TLR6: variants seen among roughly 807,000 people sequenced by gnomAD.
TLR6 encodes toll like receptor 6.
Under a neutral mutation model 16.1 loss-of-function variants are expected in TLR6, and 9 were observed. The ratio of observed to expected loss-of-function variants is 0.56; its 90% CI spans 0.34 to 0.98. The LOEUF (loss-of-function observed/expected upper bound fraction) is 0.98, where lower values mean the gene tolerates loss of function less well. TLR6 is among the 50% of genes least tolerant of loss of function. The pLI is 0.02. For synonymous variants in TLR6, 340 were observed against 338.6 expected, an observed-to-expected ratio of 1.00 and a Z score of -0.04; for missense variants, 786 against 921.0, an observed-to-expected ratio of 0.85 and a Z score of 1.90.
At chr4:38,833,690 A>G (rs1711749143) in intron 1 of TLR6, among the ~76,000 whole-genome samples, 1 of 152,242 alleles carries the variant, frequency 6.6e-6, no homozygotes, top group African/African-American at 2.4e-5. Flanking sequence ...TTCTCTAATA[A>G]CAGATCTCAA....
chr4:38,852,643 C>T (rs1313445441), intron 1 of TLR6, among the ~76,000 whole-genome samples: 5 of 151,998 alleles, frequency 3.3e-5, no homozygotes, highest in African/African-American at 9.7e-5. Flanking sequence ...CTCATCATCA[C>T]TGGCCATCAG....
At chr4:38,848,027 A>G (rs1270536139) in intron 1 of TLR6, among the ~76,000 whole-genome samples, 1 of 151,988 alleles carries the variant, frequency 6.6e-6, no homozygotes, top group African/African-American at 2.4e-5. Flanking sequence ...ACTGGGAGGC[A>G]CCCCCCAGTA....
exon 2 of TLR6, chr4:38,827,310 T>C: frequency 6.2e-7 from 1 of 1,614,060 alleles, no homozygotes; most frequent in Non-Finnish European, 8.5e-7. Context: ...TGAAAGAGAT[T>C]GTGATGGGCA....
chr4:38,854,616 A>C (rs1029438023), intron 1 of TLR6, among the ~76,000 whole-genome samples: 2 of 152,198 alleles, frequency 1.3e-5, no homozygotes, highest in Non-Finnish European at 2.9e-5. Context: ...ACCCTCATTT[A>C]CTACTTAGGC....
rs539536599 is a variant in TLR6 at position 38,846,975 on chromosome 4, C to A, written c.-65+9786G>T. On this transcript the variant is annotated intron_variant, in intron 1 of 1. Coordinates refer to ENST00000436693, the Ensembl canonical transcript of TLR6. ...AGGGATAGAGCTCAGAATAAAGAAA[C>A]CCCAATCAATCTAGCTGTGTCCTGA... Among the ~76,000 whole-genome samples the A allele has an allele frequency of 5.9e-5, 9 of 152,104 alleles. No homozygotes were observed. The South Asian group carries it at 1.5e-3, about 25-fold the overall frequency.
chr4:38,858,871 GAA>G (rs1383819185), upstream of TLR6, among the ~76,000 whole-genome samples: 5 of 135,714 alleles, frequency 3.7e-5, no homozygotes, highest in South Asian at 1.2e-3. Flanking sequence ...AAGAAAGAAA[GAA>G]AGAAAGAAAG....
chr4:38,860,589 T>C (rs1177300713), upstream of TLR6, among the ~76,000 whole-genome samples: 2 of 149,896 alleles, frequency 1.3e-5, no homozygotes. Context: ...CTGCAACTTG[T>C]ATAATCACAA....
chr4:38,828,470 A>T (rs1727662096), exon 2 of TLR6: 1 of 1,614,180 alleles, frequency 6.2e-7, no homozygotes, highest in East Asian at 2.2e-5. Flanking sequence ...AATGGTTAAC[A>T]TCATAATGTT....
At chr4:38,858,885 AAG>A (rs373652925), upstream of TLR6, among the ~76,000 whole-genome samples, 5 of 67,440 alleles carry the variant, frequency 7.4e-5, no homozygotes, top group South Asian at 1.4e-3. Flanking sequence ...GAAAGAAAGA[AAG>A]AGAGAAAGAA....
At chr4:38,835,637 A>C (rs1048759380) in intron 1 of TLR6, among the ~76,000 whole-genome samples, 1 of 152,254 alleles carries the variant, frequency 6.6e-6, no homozygotes. Context: ...AGATATTTAC[A>C]GAACATTTCA....
At chr4:38,828,560 T>C in exon 2 of TLR6, 3 of 1,613,948 alleles carry the variant, frequency 1.9e-6, no homozygotes, top group Non-Finnish European at 2.5e-6. Flanking sequence ...TGTCAATGCT[T>C]TCAATGTCGT....
At chr4:38,828,542 T>C (rs1727666096) in exon 2 of TLR6, 1 of 1,614,024 alleles carries the variant, frequency 6.2e-7, no homozygotes, top group Non-Finnish European at 8.5e-7. Context: ...GTTCGTGATA[T>C]GTTCTATTGT....
chr4:38,852,468 T>C (rs147030252), intron 1 of TLR6, among the ~76,000 whole-genome samples: 4,743 of 152,240 alleles, frequency 0.031, 218 homozygotes, highest in African/African-American at 0.087. Context: ...AGAAAATTTT[T>C]GCAATCTACT....
intron 1 of TLR6, among the ~76,000 whole-genome samples, chr4:38,832,101 A>G (rs1470015286): frequency 1.3e-5 from 2 of 152,242 alleles, no homozygotes; most frequent in Non-Finnish European, 2.9e-5. Context: ...GCAACAAGAT[A>G]TCCCTCAATA....
intron 1 of TLR6, among the ~76,000 whole-genome samples, chr4:38,836,702 G>GCTGAGGTGGGCAGATCAC (rs1362894176): frequency 8.6e-5 from 13 of 151,960 alleles, no homozygotes; most frequent in African/African-American, 2.9e-4. Flanking sequence ...ACTTTGGGAG[G>GCTGAGGTGGGCAGATCAC]CTGAGGTGGG....
chr4:38,868,195 G>C, the TLR6 span: 5 of 195,154 alleles, frequency 2.6e-5, no homozygotes, highest in Non-Finnish European at 4.5e-5. Context: ...TCCAGTCCTG[G>C]CACCAAGCAA....
intron 1 of TLR6, among the ~76,000 whole-genome samples, chr4:38,856,316 C>T (rs2109478377): frequency 6.6e-6 from 1 of 152,270 alleles, no homozygotes; most frequent in African/African-American, 2.4e-5. Flanking sequence ...AGACACAGAC[C>T]AGCAAACTGT....
chr4:38,837,720 G>A (rs1003612647), intron 1 of TLR6, among the ~76,000 whole-genome samples: 2 of 151,982 alleles, frequency 1.3e-5, no homozygotes, highest in South Asian at 4.1e-4. Flanking sequence ...CAAAAGTACA[G>A]GCAATGAAAA....
At chr4:38,852,464 T>A (rs1041879567) in intron 1 of TLR6, among the ~76,000 whole-genome samples, 2 of 151,824 alleles carry the variant, frequency 1.3e-5, no homozygotes, top group African/African-American at 4.8e-5. Context: ...TGGGAGAAAA[T>A]TTTTGCAATC....
Sources: gnomAD v4.1 joint callset for allele counts (sites outside exome capture counted in the v4.1 genomes callset) on GRCh38, gnomAD v4.1.1 for gene constraint, MANE v1.5 for transcripts, NCBI Gene and HGNC (gene_info 2026-07-23, HGNC 2026-07-21) for gene names.